Variants in MACROD2 observed in about 807,000 individuals in gnomAD.
MACROD2 encodes the protein mono-ADP ribosylhydrolase 2, also known as ADP-ribose glycohydrolase MACROD2.
In MACROD2, 36 loss-of-function variants were observed where a neutral mutation model predicts 70.4. That is an observed-to-expected ratio of 0.51 (90% CI 0.39 to 0.68). The LOEUF (loss-of-function observed/expected upper bound fraction) is 0.68. MACROD2 is among the 30% of genes least tolerant of loss of function. MACROD2 has a pLI of 0.00. For missense variants in MACROD2, 496 were observed against 538.4 expected (o/e 0.92, Z 0.78); for synonymous variants, 172 against 178.8 (o/e 0.96, Z 0.30).
chr20:14,276,301 A>G (rs1178842043), intron 3 of MACROD2, among the ~76,000 whole-genome samples: 1 of 151,146 alleles, frequency 6.6e-6, no homozygotes, highest in Admixed American at 6.6e-5. Flanking sequence ...GCAGCCATAA[A>G]AAATGATGAG....
chr20:14,696,433 T>G (rs2071127410), intron 5 of MACROD2, among the ~76,000 whole-genome samples: 1 of 152,184 alleles, frequency 6.6e-6, no homozygotes, highest in Admixed American at 6.5e-5. Flanking sequence ...GTGAGCTAAG[T>G]GAAGCAGAGG....
At chr20:15,808,145 G>C (rs940564466) in intron 8 of MACROD2, among the ~76,000 whole-genome samples, 6 of 152,016 alleles carry the variant, frequency 3.9e-5, no homozygotes, top group African/African-American at 7.3e-5. Flanking sequence ...TTGCTTACTC[G>C]GGGAGCTCGG....
chr20:15,691,951 G>C (rs191000907), intron 8 of MACROD2, among the ~76,000 whole-genome samples: 1 of 152,268 alleles, frequency 6.6e-6, no homozygotes, highest in East Asian at 1.9e-4. Flanking sequence ...TGATCATATA[G>C]TTTTCAAGTA....
At chr20:15,160,015 A>T (rs1601158082) in intron 5 of MACROD2, among the ~76,000 whole-genome samples, 1 of 152,074 alleles carries the variant, frequency 6.6e-6, no homozygotes, top group Non-Finnish European at 1.5e-5. Context: ...ATAGGAACAA[A>T]ATGTTCATGA....
chr20:15,268,117 A>G (rs1001313905), intron 6 of MACROD2, among the ~76,000 whole-genome samples: 1 of 152,100 alleles, frequency 6.6e-6, no homozygotes, highest in Admixed American at 6.6e-5. Flanking sequence ...AAGAGAGGAG[A>G]GAGGAAGAGA....
chr20:15,224,762 C>G (rs1420600948), intron 5 of MACROD2, among the ~76,000 whole-genome samples: 2 of 151,926 alleles, frequency 1.3e-5, no homozygotes, highest in Admixed American at 1.3e-4. Context: ...AAGTTCGAGA[C>G]CAGCCTGGCC....
chr20:14,788,580 C>CAAAAAA (rs11477973), intron 5 of MACROD2, among the ~76,000 whole-genome samples: 1 of 73,282 alleles, frequency 1.4e-5, no homozygotes, highest in African/African-American at 5.6e-5. Context: ...GATCACATCT[C>CAAAAAA]AAAAAAAAAA....
At chr20:15,510,398 G>T (rs188838087) in intron 8 of MACROD2, among the ~76,000 whole-genome samples, 3 of 152,106 alleles carry the variant, frequency 2.0e-5, no homozygotes, top group Admixed American at 2.0e-4. Flanking sequence ...ACTAGGACTC[G>T]TATGCTGCCC....
intron 8 of MACROD2, among the ~76,000 whole-genome samples, chr20:15,857,458 T>C (rs1193510320): frequency 6.6e-6 from 1 of 152,228 alleles, no homozygotes; most frequent in East Asian, 1.9e-4. Flanking sequence ...GTGCTCTTGC[T>C]GCAGAACTTC....
At chr20:15,777,845 AT>A (rs2051758967) in intron 8 of MACROD2, among the ~76,000 whole-genome samples, 1 of 152,106 alleles carries the variant, frequency 6.6e-6, no homozygotes, top group South Asian at 2.1e-4. Flanking sequence ...GGGCTTCACC[AT>A]GCTGGCCAGG....
chr20:15,715,762 G>A (rs968440447), intron 8 of MACROD2, among the ~76,000 whole-genome samples: 1 of 152,076 alleles, frequency 6.6e-6, no homozygotes, highest in African/African-American at 2.4e-5. Context: ...CGAGTACAAT[G>A]TATTGAGAAC....
chr20:14,191,893 T>A (rs2081391363), intron 3 of MACROD2, among the ~76,000 whole-genome samples: 1 of 150,150 alleles, frequency 6.7e-6, no homozygotes, highest in African/African-American at 2.5e-5. Flanking sequence ...CTGAATGAGA[T>A]GAGGAGCCAT....
intron 5 of MACROD2, among the ~76,000 whole-genome samples, chr20:14,908,081 C>T (rs143821522): frequency 0.018 from 2,668 of 152,252 alleles, 45 homozygotes; most frequent in Non-Finnish European, 0.029. Context: ...CGGTGGCTCA[C>T]GCCTGTAATC....
intron 6 of MACROD2, among the ~76,000 whole-genome samples, chr20:15,392,570 T>TG (rs2045807885): frequency 6.6e-6 from 1 of 152,168 alleles, no homozygotes; most frequent in African/African-American, 2.4e-5. Context: ...TGCTCCATCA[T>TG]GCCTCTTTAC....
At position 15,139,952 on chromosome 20, in the gene MACROD2, C is replaced by T. The variant is rs551065543; in HGVS notation, c.419-89988C>T. ...CAGTTCGCAACTGAAAAAAGAGCCA[C>T]TTGAATACTGATCCTTGATGATGGG... On this transcript the variant is annotated intron_variant, in intron 5 of 17. Transcript: ENST00000684519. 2.6e-5 allele frequency among the ~76,000 whole-genome samples: 4 copies of T among 152,320 alleles called. No individual in the cohort carries two copies. The East Asian group carries it at 7.7e-4, about 29-fold the overall frequency.
chr20:15,707,728 T>A (rs1463516468), intron 8 of MACROD2, among the ~76,000 whole-genome samples: 1 of 151,866 alleles, frequency 6.6e-6, no homozygotes, highest in African/African-American at 2.4e-5. Context: ...GAGTTTGCAG[T>A]GACCAGAGAT....
At chr20:14,299,039 T>A (rs994980245) in intron 3 of MACROD2, among the ~76,000 whole-genome samples, 3 of 152,192 alleles carry the variant, frequency 2.0e-5, no homozygotes, top group Non-Finnish European at 2.9e-5. Context: ...ACTTAGTTGA[T>A]AAAACAGTCG....
intron 13 of MACROD2, among the ~76,000 whole-genome samples, chr20:15,968,795 GCGTATATATATA>G (rs2066181405): frequency 1.4e-5 from 1 of 69,766 alleles, no homozygotes; most frequent in African/African-American, 4.7e-5. Context: ...TATATATTAT[GCGTATATATATA>G]TATATATATA....
intron 15 of MACROD2, among the ~76,000 whole-genome samples, chr20:15,989,589 T>A (rs1444834660): frequency 6.6e-6 from 1 of 152,168 alleles, no homozygotes; most frequent in African/African-American, 2.4e-5. Context: ...CAATTTTTTT[T>A]ACTTTCTTTT....
Sources: gnomAD v4.1 joint callset for allele counts (sites outside exome capture counted in the v4.1 genomes callset) on GRCh38, gnomAD v4.1.1 for gene constraint, MANE v1.5 for transcripts, NCBI Gene and HGNC (gene_info 2026-07-23, HGNC 2026-07-21) for gene names.